BANK1: variants seen among roughly 807,000 people sequenced by gnomAD.
BANK1 encodes the protein B-cell scaffold protein with ankyrin repeats.
Under a neutral mutation model 94.5 loss-of-function variants are expected in BANK1, and 95 were observed. The ratio of observed to expected loss-of-function variants is 1.00; its 90% confidence interval spans 0.85 to 1.19. The LOEUF is 1.19. Among genes scored for constraint, BANK1 ranks in the 50% most tolerant of loss-of-function variants. BANK1 has a pLI of 0.00. For synonymous variants in BANK1, 334 were observed against 308.4 expected (o/e 1.08, Z -0.87); for missense variants, 987 against 932.2 (o/e 1.06, Z -0.77).
chr4:101,838,392 A>C (rs112981247), intron 2 of BANK1, among the ~76,000 whole-genome samples: 73 of 152,340 alleles, frequency 4.8e-4, no homozygotes, highest in African/African-American at 1.7e-3. Flanking sequence ...TTAACAACTT[A>C]GAAGTTAGCT....
chr4:101,853,960 C>T (rs1378721611), intron 2 of BANK1, among the ~76,000 whole-genome samples: 1 of 152,134 alleles, frequency 6.6e-6, no homozygotes, highest in Non-Finnish European at 1.5e-5. Flanking sequence ...ACAACGTGGT[C>T]TTGTCACTCT....
intron 1 of BANK1, among the ~76,000 whole-genome samples, chr4:101,823,826 T>C (rs752144273): frequency 2.0e-5 from 3 of 152,216 alleles, no homozygotes; most frequent in Non-Finnish European, 2.9e-5. Flanking sequence ...CTGAAAAGCA[T>C]AATCTTAAAA....
chr4:101,881,016 A>C (rs1728658199), intron 5 of BANK1, among the ~76,000 whole-genome samples: 1 of 152,126 alleles, frequency 6.6e-6, no homozygotes, highest in South Asian at 2.1e-4. Flanking sequence ...GTTTGGGCAA[A>C]AATTTCTTGA....
chr4:102,003,103 C>A (rs1257297373), intron 7 of BANK1, among the ~76,000 whole-genome samples: 1 of 152,100 alleles, frequency 6.6e-6, no homozygotes, highest in Admixed American at 6.6e-5. Flanking sequence ...ACAGTGGTCC[C>A]TTTTTCAAGA....
intron 6 of BANK1, among the ~76,000 whole-genome samples, chr4:101,900,918 G>T (rs1165306750): frequency 1.3e-5 from 2 of 152,168 alleles, no homozygotes; most frequent in African/African-American, 4.8e-5. Context: ...ACGCATTGTT[G>T]TATTTAGAGG....
chr4:101,886,453 A>G (rs1728859396), intron 5 of BANK1, among the ~76,000 whole-genome samples: 1 of 152,332 alleles, frequency 6.6e-6, no homozygotes, highest in East Asian at 1.9e-4. Context: ...AATTTCTGAA[A>G]TGTTTTCAAT....
At chr4:101,864,374 A>G (rs530322297) in intron 4 of BANK1, among the ~76,000 whole-genome samples, 1 of 152,324 alleles carries the variant, frequency 6.6e-6, no homozygotes, top group Admixed American at 6.5e-5. Flanking sequence ...AACTAGTAAG[A>G]ACTACATTTT....
chr4:101,859,947 T>C (rs978310318), intron 3 of BANK1, among the ~76,000 whole-genome samples: 2 of 152,088 alleles, frequency 1.3e-5, no homozygotes, highest in Admixed American at 6.5e-5. Flanking sequence ...TGGTTATGGA[T>C]ATGCAGTGCA....
chr4:101,814,910 T>C (rs184835106), intron 1 of BANK1, among the ~76,000 whole-genome samples: 10 of 152,320 alleles, frequency 6.6e-5, no homozygotes, highest in Admixed American at 6.5e-4. Flanking sequence ...ACATTTATTA[T>C]ATAATAGAAT....
At chr4:101,841,871 C>T (rs113156090) in intron 2 of BANK1, among the ~76,000 whole-genome samples, 3,931 of 145,658 alleles carry the variant, frequency 0.027, 175 homozygotes, top group African/African-American at 0.094. Flanking sequence ...TGAGAATATG[C>T]GGTGTTTGGT....
chr4:101,939,918 A>C (rs1723685975), intron 7 of BANK1, among the ~76,000 whole-genome samples: 1 of 151,806 alleles, frequency 6.6e-6, no homozygotes, highest in Non-Finnish European at 1.5e-5. Flanking sequence ...AGCTTCTCTG[A>C]CAAGTTAGCT....
Position 101,855,203 on chromosome 4 carries a change from C to A in BANK1, c.624+14C>A, listed in dbSNP as rs780445953. 1.0e-5 allele frequency: 16 copies of A among 1,606,662 alleles called. No homozygotes were observed. In the South Asian group the frequency reaches 1.2e-4, roughly 12 times the overall value. On this transcript the variant is annotated intron_variant, in intron 3 of 16. Coordinates refer to ENST00000322953, the MANE Select transcript of BANK1 (RefSeq NM_017935.5). The stretch of plus-strand genomic sequence containing the variant: ...ATTCCATGTGAGGTCAGTAAAGATA[C>A]CTTGTTATTTAAGTGACCCCATTGT...
intron 1 of BANK1, among the ~76,000 whole-genome samples, chr4:101,795,333 CAT>C (rs1334654512): frequency 7.0e-6 from 1 of 143,860 alleles, no homozygotes; most frequent in Non-Finnish European, 1.5e-5. Context: ...TCAGTATAGT[CAT>C]ATGAAAATAT....
intron 7 of BANK1, among the ~76,000 whole-genome samples, chr4:101,989,615 T>A (rs987677926): frequency 6.6e-6 from 1 of 151,724 alleles, no homozygotes; most frequent in Non-Finnish European, 1.5e-5. Flanking sequence ...TCGTGTCTCC[T>A]GAGTCTCATT....
chr4:102,013,972 C>T (rs902325136), intron 7 of BANK1, among the ~76,000 whole-genome samples: 5 of 151,946 alleles, frequency 3.3e-5, no homozygotes, highest in South Asian at 4.1e-4. Flanking sequence ...AAAAACCCTG[C>T]GAGATAAGGT....
At position 101,869,834 on chromosome 4, in the gene BANK1, T is replaced by G. The variant is rs951036403; in HGVS notation, c.764-671T>G. ...ACTTTTTTATTGAAATGATTGTTTA[T>G]TGATATTCTTTCATAGAAAGTCCTA... On this transcript the variant is annotated intron_variant, in intron 4 of 16. Coordinates refer to ENST00000322953, the MANE Select transcript of BANK1 (RefSeq NM_017935.5). 5.9e-5 allele frequency among the ~76,000 whole-genome samples: 9 copies of G among 152,128 alleles called. No individual in the cohort carries two copies. In the South Asian group the frequency reaches 1.7e-3, roughly 28 times the overall value.
chr4:102,009,673 CT>C (rs1205132610), intron 7 of BANK1, among the ~76,000 whole-genome samples: 1 of 152,024 alleles, frequency 6.6e-6, no homozygotes, highest in African/African-American at 2.4e-5. Flanking sequence ...CCCATTGTGC[CT>C]TTTTTCGGTT....
At chr4:101,920,177 C>A (rs1722955150) in intron 7 of BANK1, among the ~76,000 whole-genome samples, 1 of 151,808 alleles carries the variant, frequency 6.6e-6, no homozygotes, top group African/African-American at 2.4e-5. Flanking sequence ...ACAGTGAGAA[C>A]CCTTGGACAC....
intron 7 of BANK1, among the ~76,000 whole-genome samples, chr4:102,008,476 T>C (rs1178987529): frequency 6.6e-6 from 1 of 152,206 alleles, no homozygotes; most frequent in Non-Finnish European, 1.5e-5. Context: ...AAAGGAGTTG[T>C]AAATAAAATT....
Sources: gnomAD v4.1 joint callset for allele counts (sites outside exome capture counted in the v4.1 genomes callset) on GRCh38, gnomAD v4.1.1 for gene constraint, MANE v1.5 for transcripts, NCBI Gene and HGNC (gene_info 2026-07-23, HGNC 2026-07-21) for gene names.